Variants in PDE8A observed in about 807,000 individuals in gnomAD.
PDE8A encodes the protein high affinity cAMP-specific and IBMX-insensitive 3',5'-cyclic phosphodiesterase 8A.
In PDE8A, 59 loss-of-function variants were observed where a neutral mutation model predicts 105.0. The observed-to-expected ratio is 0.56, with a 90% CI of 0.46 to 0.70. PDE8A has a LOEUF of 0.70. Ranked by LOEUF, PDE8A falls within the 30% of genes least tolerant of loss-of-function variation. PDE8A has a pLI of 0.00. For synonymous variants in PDE8A, 355 were observed against 371.9 expected (o/e 0.95, Z 0.52); for missense variants, 1,014 against 1,045.9 (o/e 0.97, Z 0.42).
At chr15:85,132,183 G>A (rs1271998080) in intron 20 of PDE8A, among the ~76,000 whole-genome samples, 1 of 152,120 alleles carries the variant, frequency 6.6e-6, no homozygotes, top group Non-Finnish European at 1.5e-5. Flanking sequence ...TGTTGCCCAA[G>A]CTGGTCTTGA....
chr15:85,070,655 G>A (rs1369461549), intron 3 of PDE8A, among the ~76,000 whole-genome samples: 1 of 152,184 alleles, frequency 6.6e-6, no homozygotes, highest in African/African-American at 2.4e-5. Context: ...TCTGCTCAGT[G>A]CTAGATGGCT....
At chr15:85,090,984 G>C (rs1307681049) in intron 7 of PDE8A, 60 bp from the exon 8 acceptor site, 27 of 1,482,208 alleles carry the variant, frequency 1.8e-5, no homozygotes, top group Non-Finnish European at 2.3e-5. Context: ...ACCTTTGATT[G>C]TCCTCTTTTT....
At chr15:85,002,306 G>T (rs926496637) in intron 1 of PDE8A, among the ~76,000 whole-genome samples, 6 of 152,128 alleles carry the variant, frequency 3.9e-5, no homozygotes, top group Non-Finnish European at 8.8e-5. Flanking sequence ...TGCTAGACTG[G>T]CTCACAGTTT....
intron 1 of PDE8A, among the ~76,000 whole-genome samples, chr15:85,058,920 C>T (rs1237797290): frequency 5.3e-5 from 8 of 151,936 alleles, no homozygotes; most frequent in African/African-American, 1.9e-4. Flanking sequence ...TCGTTATTTC[C>T]ATCTGCTAGC....
At chr15:85,097,735 CTA>C in intron 8 of PDE8A, 1 of 522,164 alleles carries the variant, frequency 1.9e-6, no homozygotes, top group East Asian at 3.4e-5. Context: ...ACCACTTAGA[CTA>C]TGGTGACCTG....
intron 19 of PDE8A, among the ~76,000 whole-genome samples, chr15:85,124,501 C>T (rs1377884384): frequency 6.6e-6 from 1 of 152,182 alleles, no homozygotes; most frequent in Non-Finnish European, 1.5e-5. Flanking sequence ...GACTTATCCT[C>T]GCAGGCTAGG....
At position 85,034,776 on chromosome 15, in the gene PDE8A, C is replaced by G. The variant is rs150124512; in HGVS notation, c.187-29594C>G. On this transcript the variant is annotated intron_variant, in intron 1 of 21. Transcript: ENST00000394553. ...TTGCCTAGGCTGGTCTTGAACTCCT[C>G]CTGGGTTCAAGTGAACCTCTCACCT... Among the ~76,000 whole-genome samples the G allele has an allele frequency of 5.1e-3, 778 of 152,242 alleles. 5 individuals are homozygous for G. The highest frequency in any genetic ancestry group is 6.3e-3 in the Non-Finnish European group (427 of 68,002).
intron 11 of PDE8A, among the ~76,000 whole-genome samples, chr15:85,103,339 C>G (rs547901955): frequency 6.6e-6 from 1 of 152,280 alleles, no homozygotes; most frequent in Non-Finnish European, 1.5e-5. Context: ...GGAGCATCTC[C>G]CAAACTGCAT....
At chr15:85,002,948 A>G (rs2080089286) in intron 1 of PDE8A, among the ~76,000 whole-genome samples, 1 of 152,082 alleles carries the variant, frequency 6.6e-6, no homozygotes, top group Non-Finnish European at 1.5e-5. Context: ...AGACCAAAAT[A>G]TGTATTTCTT....
intron 1 of PDE8A, among the ~76,000 whole-genome samples, chr15:85,054,275 T>A (rs988587210): frequency 2.0e-5 from 3 of 152,218 alleles, no homozygotes; most frequent in African/African-American, 7.2e-5. Flanking sequence ...TGGTCTAAAA[T>A]TCTCTTTTTT....
At chr15:85,086,430 G>A (rs1282747683) in intron 6 of PDE8A, among the ~76,000 whole-genome samples, 1 of 152,122 alleles carries the variant, frequency 6.6e-6, no homozygotes, top group Non-Finnish European at 1.5e-5. Flanking sequence ...TAACATATAG[G>A]ACAGACATTA....
At chr15:85,122,457 AT>A (rs1175144313) in intron 18 of PDE8A, among the ~76,000 whole-genome samples, 3 of 152,212 alleles carry the variant, frequency 2.0e-5, no homozygotes, top group African/African-American at 7.2e-5. Flanking sequence ...AGTAGTTTCT[AT>A]TCATATTTGC....
At chr15:85,136,411 T>C in intron 20 of PDE8A, 123 bp from the exon 21 acceptor site, 1 of 940,174 alleles carries the variant, frequency 1.1e-6, no homozygotes, top group Non-Finnish European at 1.6e-6. Flanking sequence ...AGGTGGTGAT[T>C]GGCTTCTCAC....
At chr15:85,063,660 A>G (rs1157383785) in intron 1 of PDE8A, 7 of 152,260 alleles carry the variant, frequency 4.6e-5, no homozygotes, top group Non-Finnish European at 7.3e-5. Flanking sequence ...TTTTCTAGCT[A>G]TAAACTCTCA....
chr15:85,110,028 T>C (rs1292990039), intron 12 of PDE8A, among the ~76,000 whole-genome samples: 1 of 152,236 alleles, frequency 6.6e-6, no homozygotes, highest in Non-Finnish European at 1.5e-5. Flanking sequence ...GTGTTTCCAT[T>C]GCCTTATCTG....
chr15:85,099,990 A>C, intron 9 of PDE8A, 25 bp from the exon 10 acceptor site: 1 of 1,581,484 alleles, frequency 6.3e-7, no homozygotes, highest in Non-Finnish European at 8.6e-7. Context: ...CAGAAGAGAA[A>C]TAATGCATTG....
intron 1 of PDE8A, among the ~76,000 whole-genome samples, chr15:84,992,450 G>A (rs2079901355): frequency 6.6e-6 from 1 of 152,160 alleles, no homozygotes; most frequent in South Asian, 2.1e-4. Flanking sequence ...CCAGGTTGAG[G>A]AGTTTGAAGT....
chr15:85,065,049 TTAGAG>T (rs2081200613), intron 2 of PDE8A, among the ~76,000 whole-genome samples: 1 of 151,764 alleles, frequency 6.6e-6, no homozygotes, highest in South Asian at 2.1e-4. Context: ...ATGTATGTGT[TTAGAG>T]AGAGAGAGAA....
intron 8 of PDE8A, among the ~76,000 whole-genome samples, chr15:85,094,069 C>T (rs2081698130): frequency 6.6e-6 from 1 of 152,078 alleles, no homozygotes; most frequent in African/African-American, 2.4e-5. Flanking sequence ...CACTGTGTTG[C>T]CCAGGCTGGT....
Sources: gnomAD v4.1 joint callset for allele counts (sites outside exome capture counted in the v4.1 genomes callset) on GRCh38, gnomAD v4.1.1 for gene constraint, MANE v1.5 for transcripts, NCBI Gene and HGNC (gene_info 2026-07-23, HGNC 2026-07-21) for gene names.